The following RAD51B variants were observed in gnomAD, a reference collection of about 807,000 sequenced individuals.
RAD51B encodes the protein RAD51 paralog B.
Under a neutral mutation model 42.2 loss-of-function variants are expected in RAD51B, and 38 were observed. The ratio of observed to expected loss-of-function variants is 0.90; its 90% CI spans 0.70 to 1.18. The LOEUF is 1.18. Among genes scored for constraint, RAD51B ranks in the 50% most tolerant of loss-of-function variants. The pLI, the probability that RAD51B is intolerant of heterozygous loss-of-function variation, is 0.00. For synonymous variants in RAD51B, 154 were observed against 145.2 expected (o/e 1.06, Z -0.43); for missense variants, 373 against 400.7 (o/e 0.93, Z 0.59).
chr14:68,006,176 C>T (rs1412298678), intron 7 of RAD51B, among the ~76,000 whole-genome samples: 1 of 152,170 alleles, frequency 6.6e-6, no homozygotes, highest in Non-Finnish European at 1.5e-5. Flanking sequence ...CAAACCATAC[C>T]AAGTGCCTAC....
At chr14:67,937,303 G>C (rs916184799) in intron 7 of RAD51B, among the ~76,000 whole-genome samples, 1 of 152,160 alleles carries the variant, frequency 6.6e-6, no homozygotes, top group African/African-American at 2.4e-5. Flanking sequence ...TGATATCCCA[G>C]TTACAAGCTA....
Position 68,116,746 on chromosome 14 carries a change from G to A in RAD51B, c.757-175138G>A, listed in dbSNP as rs551228267. On this transcript the variant is annotated intron_variant, in intron 7 of 10. Coordinates refer to ENST00000471583, the MANE Select transcript of RAD51B (RefSeq NM_133510.4). ...TACTTCCTGGTTTTTGGTTAGTTGTGTTTATTCCTAGTTCTATGTCCTATT... is the reference window on the plus strand; with the variant it reads ...TACTTCCTGGTTTTTGGTTAGTTGTATTTATTCCTAGTTCTATGTCCTATT... Among the ~76,000 whole-genome samples the A allele has an allele frequency of 4.8e-4, 73 of 152,274 alleles. 1 individual carries two copies. Among genetic ancestry groups the A allele is most frequent in the Admixed American group, 3.7e-3 (56 of 15,282 alleles).
intron 10 of RAD51B, among the ~76,000 whole-genome samples, chr14:68,522,142 C>T (rs141951508): frequency 4.9e-4 from 74 of 152,260 alleles, no homozygotes; most frequent in Non-Finnish European, 8.5e-4. Context: ...GTCTGCCCTC[C>T]CTTGGGTTTG....
chr14:68,531,723 G>A (rs145978880), intron 10 of RAD51B, among the ~76,000 whole-genome samples: 94 of 152,174 alleles, frequency 6.2e-4, no homozygotes, highest in African/African-American at 2.1e-3. Context: ...AATAGGCCAG[G>A]CATGGTGGCT....
intron 10 of RAD51B, among the ~76,000 whole-genome samples, chr14:68,515,752 CT>C: frequency 1.0e-5 from 1 of 98,894 alleles, no homozygotes; most frequent in East Asian, 2.4e-4. Flanking sequence ...GAACCAATTT[CT>C]TTCTTTCTTT....
intron 7 of RAD51B, among the ~76,000 whole-genome samples, chr14:68,099,716 A>G (rs1327036250): frequency 2.6e-5 from 4 of 152,210 alleles, no homozygotes; most frequent in Non-Finnish European, 2.9e-5. Flanking sequence ...GGCAGCTGAC[A>G]GGTGGAATGA....
At chr14:68,096,502 G>A (rs7141450) in intron 7 of RAD51B, among the ~76,000 whole-genome samples, 25,940 of 151,904 alleles carry the variant, frequency 0.17, 2,397 homozygotes, top group Middle Eastern at 0.35. Flanking sequence ...ACTCCTTTTC[G>A]ATATTAAATC....
At chr14:67,903,137 C>T (rs1300559661) in intron 7 of RAD51B, among the ~76,000 whole-genome samples, 4 of 152,222 alleles carry the variant, frequency 2.6e-5, no homozygotes, top group Admixed American at 1.3e-4. Context: ...GGATTACAGG[C>T]GTGAGCCACC....
intron 4 of RAD51B, among the ~76,000 whole-genome samples, chr14:67,838,421 A>G (rs2041317717): frequency 6.6e-6 from 1 of 151,998 alleles, no homozygotes; most frequent in African/African-American, 2.4e-5. Context: ...TATTGTTTTT[A>G]TTTATTTTTA....
chr14:68,038,869 T>C (rs1465968467), intron 7 of RAD51B, among the ~76,000 whole-genome samples: 1 of 152,222 alleles, frequency 6.6e-6, no homozygotes, highest in Non-Finnish European at 1.5e-5. Context: ...AATTATGTTT[T>C]ACTACATTTT....
At chr14:68,290,762 C>G (rs1471972337) in intron 7 of RAD51B, among the ~76,000 whole-genome samples, 1 of 151,564 alleles carries the variant, frequency 6.6e-6, no homozygotes, top group Non-Finnish European at 1.5e-5. Flanking sequence ...AGCAAAGAAG[C>G]CACAGGCATC....
chr14:68,595,623 C>CTACAT (rs1890961732), exon 11 of RAD51B: 3 of 1,059,532 alleles, frequency 2.8e-6, no homozygotes, highest in Non-Finnish European at 1.1e-6. Flanking sequence ...TCCCCAATGT[C>CTACAT]TACATTGTGT....
chr14:68,086,527 G>A (rs970094223), intron 7 of RAD51B, among the ~76,000 whole-genome samples: 4 of 152,116 alleles, frequency 2.6e-5, no homozygotes, highest in Non-Finnish European at 4.4e-5. Context: ...GGGACCACGC[G>A]CTCCCCTTCC....
chr14:68,428,917 C>T (rs181997729), intron 9 of RAD51B, among the ~76,000 whole-genome samples: 291 of 151,026 alleles, frequency 1.9e-3, no homozygotes, highest in Non-Finnish European at 3.6e-3. Context: ...CCCCCCACCC[C>T]ACGACAGGCC....
chr14:68,372,005 G>A (rs182228182), intron 8 of RAD51B, among the ~76,000 whole-genome samples: 13 of 152,350 alleles, frequency 8.5e-5, no homozygotes, highest in African/African-American at 3.1e-4. Flanking sequence ...ATTTAGAATA[G>A]AAGAGAAACC....
Position 67,835,105 on chromosome 14 carries a change from C to T in RAD51B, c.224C>T (p.Ser75Phe), listed in dbSNP as rs1403853401. 1 of 1,613,324 alleles carries T rather than the reference C, an allele frequency of 6.2e-7. No individual in the cohort carries two copies. Among genetic ancestry groups the T allele is most frequent in the Admixed American group, 1.7e-5 (1 of 59,988 alleles). Reference sequence around the variant, plus strand: ...GCTTATGGGATAAAAGCACAAAGGTCTGCTGATTTCTCACCAGCATTCTTA... The same window carrying T: ...GCTTATGGGATAAAAGCACAAAGGTTTGCTGATTTCTCACCAGCATTCTTA... ...QTAYGIKAQR[S>F]ADFSPAFLST... The change falls in exon 4 of 11, where the codon TCT becomes TTT. Residue 75 changes from serine (S) to phenylalanine (F), a missense_variant. By Grantham distance (155) the Ser-to-Phe change is radical. Transcript: ENST00000471583.
intron 9 of RAD51B, among the ~76,000 whole-genome samples, chr14:68,441,470 A>C (rs1006641890): frequency 1.6e-5 from 2 of 126,940 alleles, no homozygotes; most frequent in Non-Finnish European, 3.2e-5. Flanking sequence ...TGAACCCGGG[A>C]GGAGGAGTTT....
At chr14:68,062,699 C>A (rs1487468334) in intron 7 of RAD51B, among the ~76,000 whole-genome samples, 1 of 151,500 alleles carries the variant, frequency 6.6e-6, no homozygotes, top group Non-Finnish European at 1.5e-5. Flanking sequence ...ATCCTAGCTA[C>A]TCAGGAGGCT....
At chr14:67,922,477 T>C (rs2044356573) in intron 7 of RAD51B, among the ~76,000 whole-genome samples, 1 of 152,150 alleles carries the variant, frequency 6.6e-6, no homozygotes, top group South Asian at 2.1e-4. Context: ...TAAAGAGACA[T>C]TTAAGTAAAA....
Sources: allele counts gnomAD v4.1 joint callset (sites outside exome capture counted in the v4.1 genomes callset), GRCh38; gene constraint gnomAD v4.1.1; transcripts MANE v1.5; gene names NCBI Gene and HGNC (gene_info 2026-07-23, HGNC 2026-07-21).